GPM6A: variants seen among roughly 807,000 people sequenced by gnomAD.
GPM6A encodes the protein neuronal membrane glycoprotein M6-a.
Under a neutral mutation model 32.1 loss-of-function variants are expected in GPM6A, and 7 were observed. The ratio of observed to expected loss-of-function variants is 0.22; its 90% confidence interval spans 0.12 to 0.41. The LOEUF (loss-of-function observed/expected upper bound fraction) is 0.41, where lower values mean the gene tolerates loss of function less well. Among genes scored for constraint, GPM6A ranks in the 10% least tolerant of loss-of-function variants. The pLI, the probability that GPM6A is intolerant of heterozygous loss-of-function variation, is 1.00. For missense variants in GPM6A, 235 were observed against 347.2 expected (o/e 0.68, Z 2.57); for synonymous variants, 130 against 123.4 (o/e 1.05, Z -0.35).
chr4:175,750,066 C>T (rs997534165), intron 1 of GPM6A, among the ~76,000 whole-genome samples: 3 of 149,466 alleles, frequency 2.0e-5, no homozygotes, highest in African/African-American at 7.4e-5. Context: ...GAACCTATTG[C>T]TTTTTTTTTT....
At chr4:175,929,045 T>C (rs17062274) in intron 1 of GPM6A, among the ~76,000 whole-genome samples, 23,430 of 152,210 alleles carry the variant, frequency 0.15, 2,184 homozygotes, top group African/African-American at 0.26. Flanking sequence ...CCTCATGCTG[T>C]AAATCTAAGG....
At chr4:175,761,180 G>A (rs946481669) in intron 1 of GPM6A, among the ~76,000 whole-genome samples, 1 of 152,096 alleles carries the variant, frequency 6.6e-6, no homozygotes, top group Non-Finnish European at 1.5e-5. Flanking sequence ...ATCTTGCTCT[G>A]TCTCCCAGGC....
chr4:175,636,258 C>CTCTATA (rs1553967457), intron 6 of GPM6A, among the ~76,000 whole-genome samples: 1 of 34,100 alleles, frequency 2.9e-5, no homozygotes, highest in African/African-American at 7.7e-5. Flanking sequence ...AGCATAATCA[C>CTCTATA]TGTATATATA....
At chr4:175,951,434 A>C (rs1739807964) in intron 1 of GPM6A, among the ~76,000 whole-genome samples, 2 of 152,206 alleles carry the variant, frequency 1.3e-5, no homozygotes, top group African/African-American at 4.8e-5. Flanking sequence ...GAGAGAGGAT[A>C]GAGTTGGACA....
chr4:175,689,362 G>A (rs1473912526), intron 2 of GPM6A, among the ~76,000 whole-genome samples: 1 of 151,718 alleles, frequency 6.6e-6, no homozygotes, highest in Non-Finnish European at 1.5e-5. Context: ...CCATCTATTT[G>A]TGTCTTCTTT....
At chr4:175,857,605 G>C (rs145922786) in intron 1 of GPM6A, among the ~76,000 whole-genome samples, 3 of 152,002 alleles carry the variant, frequency 2.0e-5, no homozygotes, top group Admixed American at 6.6e-5. Context: ...TTAGATGCAC[G>C]TGGTCTGAAT....
chr4:175,790,499 A>G (rs1733969927), intron 1 of GPM6A: 1 of 152,174 alleles, frequency 6.6e-6, no homozygotes, highest in Non-Finnish European at 1.5e-5. Flanking sequence ...TGCCTTAGTT[A>G]CTGTTATCTT....
chr4:175,686,521 A>C (rs892820914), intron 2 of GPM6A, among the ~76,000 whole-genome samples: 2 of 152,194 alleles, frequency 1.3e-5, no homozygotes, highest in Non-Finnish European at 2.9e-5. Flanking sequence ...GAAGAAAAGA[A>C]GGTAATGTGA....
chr4:175,802,594 C>T (rs1734514688), intron 1 of GPM6A, among the ~76,000 whole-genome samples: 1 of 152,040 alleles, frequency 6.6e-6, no homozygotes, highest in African/African-American at 2.4e-5. Flanking sequence ...CTAAACATAT[C>T]CTAGAAAAGG....
At chr4:175,635,625 T>C (rs1343075480) in intron 6 of GPM6A, among the ~76,000 whole-genome samples, 1 of 152,138 alleles carries the variant, frequency 6.6e-6, no homozygotes. Flanking sequence ...TTTTTATATG[T>C]ATATACATTC....
At chr4:175,749,235 CT>C (rs1211331575) in intron 1 of GPM6A, among the ~76,000 whole-genome samples, 1 of 152,070 alleles carries the variant, frequency 6.6e-6, no homozygotes, top group African/African-American at 2.4e-5. Context: ...ACTGCAATAA[CT>C]TTTGCATTAA....
At chr4:175,804,811 A>C (rs975106980) in intron 1 of GPM6A, among the ~76,000 whole-genome samples, 2 of 152,038 alleles carry the variant, frequency 1.3e-5, no homozygotes, top group Non-Finnish European at 2.9e-5. Context: ...TTTGGGAGGC[A>C]GAGGCGGGCG....
chr4:175,961,484 G>A (rs1256074755), intron 1 of GPM6A: 1 of 152,172 alleles, frequency 6.6e-6, no homozygotes, highest in Non-Finnish European at 1.5e-5. Flanking sequence ...ATTCCCTGGA[G>A]CAGAAATCTC....
chr4:175,711,255 C>T (rs1264885464), intron 1 of GPM6A, among the ~76,000 whole-genome samples: 2 of 151,150 alleles, frequency 1.3e-5, no homozygotes, highest in African/African-American at 4.9e-5. Context: ...TGGTAATTCA[C>T]TCTTAATTAG....
At chr4:175,863,892 T>G (rs1457196532) in intron 1 of GPM6A, among the ~76,000 whole-genome samples, 1 of 152,010 alleles carries the variant, frequency 6.6e-6, no homozygotes, top group Non-Finnish European at 1.5e-5. Context: ...TCCCACCTAT[T>G]GGGGAGGCTG....
intron 1 of GPM6A, among the ~76,000 whole-genome samples, chr4:175,793,714 T>A (rs923541140): frequency 1.3e-5 from 2 of 152,192 alleles, no homozygotes; most frequent in Non-Finnish European, 2.9e-5. Context: ...ACACTACTTA[T>A]ACTTTTTACT....
chr4:175,938,038 A>T (rs1739293658), intron 1 of GPM6A, among the ~76,000 whole-genome samples: 1 of 152,144 alleles, frequency 6.6e-6, no homozygotes, highest in South Asian at 2.1e-4. Flanking sequence ...TTTGAGTGTT[A>T]ACTTTCTATA....
At chr4:175,852,642 T>C (rs1667172955) in intron 1 of GPM6A, among the ~76,000 whole-genome samples, 5 of 152,170 alleles carry the variant, frequency 3.3e-5, no homozygotes, top group Admixed American at 2.6e-4. Flanking sequence ...TTTGGCCTTA[T>C]TTTTAAAAAC....
intron 1 of GPM6A, among the ~76,000 whole-genome samples, chr4:175,849,669 C>A (rs1736193246): frequency 6.6e-6 from 1 of 152,108 alleles, no homozygotes; most frequent in East Asian, 1.9e-4. Context: ...ATTTGCCAAT[C>A]TTATAACTTT....
Sources: allele counts gnomAD v4.1 joint callset (sites outside exome capture counted in the v4.1 genomes callset), GRCh38; gene constraint gnomAD v4.1.1; transcripts MANE v1.5; gene names NCBI Gene and HGNC (gene_info 2026-07-23, HGNC 2026-07-21).